NOL11: variants seen among roughly 807,000 people sequenced by gnomAD.
NOL11 encodes nucleolar protein 11.
NOL11 carries 42 observed loss-of-function variants against 93.0 expected under a neutral mutation model. That is an observed-to-expected ratio of 0.45 (90% CI 0.35 to 0.58). NOL11 has a LOEUF of 0.58. Among genes scored for constraint, NOL11 ranks in the 20% least tolerant of loss-of-function variants. NOL11 has a pLI of 0.00. For synonymous variants in NOL11, 296 were observed against 293.7 expected, an observed-to-expected ratio of 1.01 and a Z score of -0.08; for missense variants, 775 against 841.8, an observed-to-expected ratio of 0.92 and a Z score of 0.98.
chr17:67,719,393 T>C, intron 1 of NOL11: 2 of 222,242 alleles, frequency 9.0e-6, no homozygotes, highest in South Asian at 5.7e-5. Flanking sequence ...CCTGAGTAAT[T>C]GGGGTTACAG....
At chr17:67,722,784 A>G (rs1483848635) in intron 5 of NOL11, 147 bp downstream of exon 5, 6 of 1,159,952 alleles carry the variant, frequency 5.2e-6, no homozygotes, top group Non-Finnish European at 7.0e-6. Context: ...TCCTGGCTCA[A>G]GCAGTCCTCC....
At chr17:67,738,713 G>T in intron 14 of NOL11, 1 of 494,270 alleles carries the variant, frequency 2.0e-6, no homozygotes. Flanking sequence ...TACTAACACA[G>T]AAGCTCTATC....
At chr17:67,742,445 A>G (rs1251301539) in intron 16 of NOL11, among the ~76,000 whole-genome samples, 1 of 152,190 alleles carries the variant, frequency 6.6e-6, no homozygotes, top group East Asian at 1.9e-4. Flanking sequence ...TTTTTCTATC[A>G]AATGCATTGT....
At chr17:67,728,268 A>C (rs1599039981) in intron 7 of NOL11, among the ~76,000 whole-genome samples, 1 of 152,220 alleles carries the variant, frequency 6.6e-6, no homozygotes, top group East Asian at 1.9e-4. Flanking sequence ...TCAGAAAATA[A>C]ATAAATAAAT....
At chr17:67,738,868 G>C in intron 14 of NOL11, 64 bp from the exon 15 acceptor site, 1 of 1,017,996 alleles carries the variant, frequency 9.8e-7, no homozygotes, top group Admixed American at 2.1e-5. Flanking sequence ...GACAAAGGAA[G>C]TTACTCATAA....
chr17:67,724,425 C>T (rs114684786), intron 6 of NOL11, among the ~76,000 whole-genome samples: 109 of 151,884 alleles, frequency 7.2e-4, no homozygotes, highest in African/African-American at 2.5e-3. Context: ...CCTCTGCCTC[C>T]CAGAGTCAAA....
At chr17:67,722,245 T>C (rs962604089) in intron 4 of NOL11, among the ~76,000 whole-genome samples, 1 of 152,194 alleles carries the variant, frequency 6.6e-6, no homozygotes, top group African/African-American at 2.4e-5. Context: ...GAGATCTTAA[T>C]GTTTTCCTCA....
Position 67,726,540 on chromosome 17 carries a change from C to G in NOL11, c.745C>G (p.Leu249Val). 6.2e-7 allele frequency: 1 copy of G among 1,614,126 alleles called. No individual in the cohort carries two copies. Among genetic ancestry groups the G allele is most frequent in the Non-Finnish European group, 8.5e-7 (1 of 1,180,010 alleles). ...PEKNQSLVKS[L>V]LLKAVVSGNA... Reference sequence around the variant, plus strand: ...AAAAAATCAGAGCTTAGTTAAATCACTGCTGCTCAAGGCTGTTGTATCTGG... The same window carrying G: ...AAAAAATCAGAGCTTAGTTAAATCAGTGCTGCTCAAGGCTGTTGTATCTGG... Residue 249 changes from leucine (L) to valine (V), a missense_variant, in exon 7 of 18, where the codon CTG becomes GTG. Coordinates refer to ENST00000253247, the MANE Select transcript of NOL11 (RefSeq NM_015462.5).
In NOL11 at chr17:67,737,869, A is replaced by G. The variant is rs766606404; in HGVS notation, c.1426A>G (p.Ile476Val). The change falls in exon 13 of 18, where the codon ATT becomes GTT. Residue 476 changes from isoleucine (I) to valine (V), a missense_variant. Around this residue, in one of 2 missense-constraint regions of NOL11, gnomAD observed 416 missense variants for 525.2 expected, o/e 0.79. Transcript: ENST00000253247. ...SYSLCPDLME[I>V]ALKKKDVQLL... ...TAGTTTGTGCCCCGACTTAATGGAG[A>G]TTGCCTTAAAAAAGAAAGATGTACA... The G allele has an allele frequency of 1.2e-6, 2 of 1,612,544 alleles. No homozygotes were observed. Among genetic ancestry groups the G allele is most frequent in the Non-Finnish European group, 8.5e-7 (1 of 1,179,672 alleles).
chr17:67,734,553 G>C, intron 8 of NOL11, 114 bp downstream of exon 8: 1 of 644,498 alleles, frequency 1.6e-6, no homozygotes, highest in South Asian at 1.9e-5. Flanking sequence ...TTTACTCTTG[G>C]GCTCAAGTGA....
At chr17:67,742,325 T>A in intron 16 of NOL11, among the ~76,000 whole-genome samples, 1 of 152,212 alleles carries the variant, frequency 6.6e-6, no homozygotes, top group East Asian at 1.9e-4. Flanking sequence ...TTCTTGTCCA[T>A]TTATATTTGT....
At chr17:67,733,190 C>T (rs534250518) in intron 7 of NOL11, among the ~76,000 whole-genome samples, 1 of 151,428 alleles carries the variant, frequency 6.6e-6, no homozygotes, top group East Asian at 2.0e-4. Context: ...ATGGTGAAAC[C>T]CCTGTCTCTA....
Position 67,736,923 on chromosome 17 carries a change from C to T in NOL11, c.1144-148C>T, listed in dbSNP as rs548894774. 921 of 722,582 alleles carry T rather than the reference C, an allele frequency of 1.3e-3. 6 individuals are homozygous for T. The highest frequency in any genetic ancestry group is 9.5e-4 in the Non-Finnish European group (411 of 431,576). The allele number at this position is 722,582 out of a possible 1,614,324, so 44.8% of individuals were successfully genotyped here. On this transcript the variant is annotated intron_variant, in intron 10 of 17. Transcript: ENST00000253247. Reference sequence around the variant, plus strand: ...CTCACATTCTTTATCCAGAAATGCCCCATGTTGTCTATTAGTTATATTTAC... The same window carrying T: ...CTCACATTCTTTATCCAGAAATGCCTCATGTTGTCTATTAGTTATATTTAC...
rs761347492 is a variant in NOL11, at chr17:67,738,214, A to C, written c.1622A>C (p.Glu541Ala). The C allele has an allele frequency of 6.2e-7, 1 of 1,613,292 alleles. No homozygotes were observed. The highest frequency in any genetic ancestry group is 8.5e-7 in the Non-Finnish European group (1 of 1,179,428). ...TCTGTACATGATGAGAAAATGGAAG[A>C]GCAAACTGAAATTCTTCAAAATGGC... ...INSVHDEKME[E>A]QTEILQNGFN... Residue 541 changes from glutamate to alanine, a missense_variant, in exon 14 of 18, where the codon GAG becomes GCG. By Grantham distance (107) the Glu-to-Ala change is moderately radical (BLOSUM62 -1). Transcript: ENST00000253247.
chr17:67,722,489 T>A, intron 4 of NOL11, 91 bp from the exon 5 acceptor site: 2 of 1,476,732 alleles, frequency 1.4e-6, no homozygotes, highest in Non-Finnish European at 1.8e-6. Flanking sequence ...AAAAAATATT[T>A]AATGAAAACT....
rs185121680 is a variant in NOL11 at position 67,728,175 on chromosome 17, G to A, written c.853+1527G>A. Among the ~76,000 whole-genome samples the A allele has an allele frequency of 1.6e-4, 25 of 152,236 alleles. No individual in the cohort carries two copies. The East Asian group carries it at 4.8e-3, about 29-fold the overall frequency. ...CTCGGGAGGCTGAGGCAGGAGAATG[G>A]CGTGAGCCTGGGAGGCAGAGCTTGC... On this transcript the variant is annotated intron_variant, in intron 7 of 17. Coordinates refer to ENST00000253247, the MANE Select transcript of NOL11 (RefSeq NM_015462.5).
rs757385359 is a variant in NOL11, at chr17:67,738,374, C to T, written c.1763+19C>T. 7 of 1,512,134 alleles carry T rather than the reference C, an allele frequency of 4.6e-6. No homozygotes were observed. The African/African-American group carries it at 9.7e-5, about 21-fold the overall frequency. The allele number at this position is 1,512,134 out of a possible 1,614,324, so 93.7% of individuals were successfully genotyped here. A position where few individuals can be genotyped will look rare whatever the true frequency, so the allele number is the denominator to read the frequency against. On this transcript the variant is annotated intron_variant, in intron 14 of 17. Transcript: ENST00000253247. Reference sequence around the variant, plus strand: ...CTCTACTGTATCCTTTGACATAGAGCATCCCTCTGTTTCTCTTTATAGGAT... The same window carrying T: ...CTCTACTGTATCCTTTGACATAGAGTATCCCTCTGTTTCTCTTTATAGGAT...
At position 67,737,691 on chromosome 17, in the gene NOL11, A is replaced by G. The variant is rs2055215547; in HGVS notation, c.1402A>G (p.Ser468Gly). 1 of 1,612,580 alleles carries G rather than the reference A, an allele frequency of 6.2e-7. No homozygotes were observed. Among genetic ancestry groups the G allele is most frequent in the Non-Finnish European group, 8.5e-7 (1 of 1,179,508 alleles). The change falls in exon 12 of 18, where the codon AGT (serine) becomes GGT (glycine). Residue 468 changes from serine (S) to glycine (G), a missense_variant and splice_region_variant. Transcript: ENST00000253247. ...TATCCAAACGCATGTGCTTTCTTAC[A>G]GGTAGCTGTTTGTGTGTACCACACT... ...QLIQTHVLSY[S>G]LCPDLMEIAL...
At position 67,737,720 on chromosome 17, in the gene NOL11, C is replaced by T. The variant is rs147787290; in HGVS notation, c.1403+28C>T. On this transcript the variant is annotated intron_variant, in intron 12 of 17. Transcript: ENST00000253247. Reference sequence around the variant, plus strand: ...AGCTGTTTGTGTGTACCACACTGTACGTGCATAATTCTTCTGACCTTGTTT... The same window carrying T: ...AGCTGTTTGTGTGTACCACACTGTATGTGCATAATTCTTCTGACCTTGTTT... The T allele has an allele frequency of 1.1e-5, 18 of 1,596,328 alleles. 1 individual carries two copies. The highest frequency in any genetic ancestry group is 6.8e-5 in the African/African-American group (5 of 74,038).
Sources: allele counts gnomAD v4.1 joint callset (sites outside exome capture counted in the v4.1 genomes callset), GRCh38; gene constraint gnomAD v4.1.1; regional missense constraint gnomAD v4.1.1; transcripts MANE v1.5; gene names NCBI Gene and HGNC (gene_info 2026-07-23, HGNC 2026-07-21).